VWA8: variants seen among roughly 807,000 people sequenced by gnomAD.
VWA8 encodes the protein von Willebrand factor A domain containing 8, also known as von Willebrand factor A domain-containing protein 8.
Under a neutral mutation model 241.5 loss-of-function variants are expected in VWA8, and 221 were observed. The ratio of observed to expected loss-of-function variants is 0.91; its 90% CI spans 0.82 to 1.02. The LOEUF (loss-of-function observed/expected upper bound fraction) is 1.02, where lower values mean the gene tolerates loss of function less well. Ranked by LOEUF, VWA8 falls within the 50% of genes least tolerant of loss-of-function variation. VWA8 has a pLI of 0.00. For missense variants in VWA8, 2,322 were observed against 2,328.7 expected, an observed-to-expected ratio of 1.00 and a Z score of 0.06; for synonymous variants, 852 against 827.1, an observed-to-expected ratio of 1.03 and a Z score of -0.52.
At chr13:41,945,860 T>C (rs1394351590) in intron 2 of VWA8, among the ~76,000 whole-genome samples, 1 of 152,012 alleles carries the variant, frequency 6.6e-6, no homozygotes, top group Non-Finnish European at 1.5e-5. Context: ...TGAAAAATAA[T>C]AGCCAAAATT....
intron 29 of VWA8, among the ~76,000 whole-genome samples, chr13:41,694,976 G>T (rs1430002476): frequency 6.6e-6 from 1 of 152,146 alleles, no homozygotes; most frequent in Non-Finnish European, 1.5e-5. Context: ...CAACATGAAG[G>T]AGTTCTGTTG....
intron 1 of VWA8, among the ~76,000 whole-genome samples, chr13:41,957,966 G>T (rs1878424194): frequency 6.6e-6 from 1 of 152,048 alleles, no homozygotes; most frequent in African/African-American, 2.4e-5. Flanking sequence ...AACTTGCTTG[G>T]CTCCATCTGT....
intron 42 of VWA8, among the ~76,000 whole-genome samples, chr13:41,579,522 T>A (rs1270675827): frequency 6.6e-6 from 1 of 152,196 alleles, no homozygotes; most frequent in Admixed American, 6.5e-5. Flanking sequence ...TGTTTCTACC[T>A]TGTAAACAAT....
At chr13:41,657,297 GCC>G (rs1331185963) in intron 37 of VWA8, among the ~76,000 whole-genome samples, 1 of 151,644 alleles carries the variant, frequency 6.6e-6, no homozygotes. Flanking sequence ...TGAGCGCCAG[GCC>G]CTGAGACTTC....
At chr13:41,714,702 T>C (rs537463762) in intron 26 of VWA8, among the ~76,000 whole-genome samples, 1 of 152,108 alleles carries the variant, frequency 6.6e-6, no homozygotes, top group South Asian at 2.1e-4. Context: ...TAAATGAGAA[T>C]GAAGAGGTCT....
chr13:41,915,510 G>A (rs1197526650), intron 2 of VWA8, among the ~76,000 whole-genome samples: 1 of 152,208 alleles, frequency 6.6e-6, no homozygotes, highest in Admixed American at 6.5e-5. Flanking sequence ...GTCTCATCCT[G>A]CCCAGTATGT....
chr13:41,646,124 G>A (rs1436376792), intron 37 of VWA8, among the ~76,000 whole-genome samples: 6 of 152,078 alleles, frequency 3.9e-5, no homozygotes, highest in South Asian at 2.1e-4. Context: ...GTGCCACCAC[G>A]CCCAGCTAAT....
In VWA8 at chr13:41,773,309, T is replaced by C. The variant is rs540201617; in HGVS notation, c.2349+4676A>G. ...TCTTTGATTGTCTTGTTTCAGAAGA[T>C]GGAAATAAGGGTGAAGGTGAGCAGG... On this transcript the variant is annotated intron_variant, in intron 20 of 44. Coordinates refer to ENST00000379310, the MANE Select transcript of VWA8 (RefSeq NM_015058.2). Among the ~76,000 whole-genome samples, 5 of 152,280 alleles carry C rather than the reference T, an allele frequency of 3.3e-5. No homozygotes were observed. The South Asian group carries it at 1.0e-3, about 32-fold the overall frequency.
chr13:41,825,572 G>A (rs979049124), intron 14 of VWA8, among the ~76,000 whole-genome samples: 2 of 151,958 alleles, frequency 1.3e-5, no homozygotes, highest in South Asian at 2.1e-4. Flanking sequence ...CCCGAGCATC[G>A]ACCATCCCCA....
At chr13:41,942,216 G>A (rs1249674727) in intron 2 of VWA8, among the ~76,000 whole-genome samples, 1 of 152,004 alleles carries the variant, frequency 6.6e-6, no homozygotes, top group Non-Finnish European at 1.5e-5. Context: ...ACACACTTAG[G>A]CATAACCATT....
intron 12 of VWA8, chr13:41,864,687 G>A (rs1399431873): frequency 7.4e-6 from 3 of 408,124 alleles, no homozygotes; most frequent in Admixed American, 6.4e-5. Flanking sequence ...GAAAAACTGA[G>A]AGCTACTGTT....
At chr13:41,833,611 T>C (rs1375259233) in intron 12 of VWA8, 80 bp from the exon 13 acceptor site, 8 of 1,411,906 alleles carry the variant, frequency 5.7e-6, no homozygotes, top group South Asian at 4.9e-5. Context: ...CATGGCTTTA[T>C]AGAGTCACCT....
intron 1 of VWA8, chr13:41,955,986 T>C (rs1017275956): frequency 9.9e-5 from 15 of 152,254 alleles, no homozygotes; most frequent in African/African-American, 3.6e-4. Flanking sequence ...CTCTCTGAGC[T>C]TATTCTGGTT....
chr13:41,758,018 A>G (rs1045577568), intron 21 of VWA8, among the ~76,000 whole-genome samples: 2 of 151,622 alleles, frequency 1.3e-5, no homozygotes, highest in African/African-American at 2.4e-5. Flanking sequence ...GTAAACAACA[A>G]AGAATACCTT....
chr13:41,646,514 CAT>C (rs1204413551), intron 37 of VWA8, among the ~76,000 whole-genome samples: 7 of 152,190 alleles, frequency 4.6e-5, no homozygotes, highest in Admixed American at 2.6e-4. Flanking sequence ...CTCATTATCA[CAT>C]AGTTATTAAT....
chr13:41,933,041 A>T lies in VWA8; in HGVS notation c.241+16895T>A, dbSNP rs143006447. 4.2e-3 allele frequency among the ~76,000 whole-genome samples: 637 copies of T among 152,100 alleles called. 2 individuals carry two copies. Among genetic ancestry groups the T allele is most frequent in the African/African-American group, 0.015 (605 of 41,558 alleles). On this transcript the variant is annotated intron_variant, in intron 2 of 44. Transcript: ENST00000379310. ...GAAACATCCAGATTGGAAAGGAAAAAGTAGAGCTGTCTTTATTTATGGACA... is the reference window on the plus strand; with the variant it reads ...GAAACATCCAGATTGGAAAGGAAAATGTAGAGCTGTCTTTATTTATGGACA...
intron 9 of VWA8, among the ~76,000 whole-genome samples, chr13:41,869,539 C>T (rs190113728): frequency 1.3e-3 from 190 of 144,246 alleles, no homozygotes; most frequent in Non-Finnish European, 2.2e-3. Flanking sequence ...GGCTGAGGCA[C>T]GAGAATCCCT....
intron 37 of VWA8, among the ~76,000 whole-genome samples, chr13:41,626,915 A>G (rs1174029406): frequency 6.6e-6 from 1 of 152,262 alleles, no homozygotes; most frequent in East Asian, 1.9e-4. Context: ...AAAAATTGGT[A>G]AGTGGAACCT....
chr13:41,669,407 T>G (rs929718162), intron 37 of VWA8, among the ~76,000 whole-genome samples: 2 of 152,222 alleles, frequency 1.3e-5, no homozygotes, highest in African/African-American at 4.8e-5. Context: ...TACATTTTAG[T>G]ATATAGGAGT....
Sources: gnomAD v4.1 joint callset for allele counts (sites outside exome capture counted in the v4.1 genomes callset) on GRCh38, gnomAD v4.1.1 for gene constraint, MANE v1.5 for transcripts, NCBI Gene and HGNC (gene_info 2026-07-23, HGNC 2026-07-21) for gene names.